Variants in DSG4 observed in about 807,000 individuals in gnomAD.
DSG4 encodes desmoglein-4.
Under a neutral mutation model 93.1 loss-of-function variants are expected in DSG4, and 87 were observed. The observed-to-expected ratio is 0.93, with a 90% CI of 0.79 to 1.12. The LOEUF is 1.12. DSG4 is among the 50% of genes most tolerant of loss of function. The probability of loss-of-function intolerance (pLI) is 0.00; values close to 1 mark genes in which losing one functional copy is unlikely to be tolerated. For synonymous variants in DSG4, 432 were observed against 452.9 expected (o/e 0.95, Z 0.59); for missense variants, 1,373 against 1,285.7 (o/e 1.07, Z -1.04).
chr18:31,379,027 CAA>C (rs1186706101), intron 1 of DSG4, among the ~76,000 whole-genome samples: 2 of 152,144 alleles, frequency 1.3e-5, no homozygotes, highest in Non-Finnish European at 2.9e-5. Flanking sequence ...GCACTGTAAA[CAA>C]AGTTCTGACT....
intron 12 of DSG4, among the ~76,000 whole-genome samples, chr18:31,407,330 G>A (rs563621565): frequency 3.5e-4 from 53 of 152,282 alleles, no homozygotes; most frequent in African/African-American, 1.2e-3. Flanking sequence ...GTGACCCTGC[G>A]GTAGGAAGCA....
At chr18:31,377,495 C>T (rs2072089369) in intron 1 of DSG4, among the ~76,000 whole-genome samples, 1 of 152,154 alleles carries the variant, frequency 6.6e-6, no homozygotes, top group South Asian at 2.1e-4. Context: ...TGAAGCCCAG[C>T]CATCAAGACA....
intron 5 of DSG4, among the ~76,000 whole-genome samples, chr18:31,389,735 C>T (rs2072227959): frequency 6.6e-6 from 1 of 152,034 alleles, no homozygotes; most frequent in Non-Finnish European, 1.5e-5. Flanking sequence ...TCTATGTCTG[C>T]CCATATACCT....
At chr18:31,394,459 C>A (rs1287667129) in intron 8 of DSG4, among the ~76,000 whole-genome samples, 1 of 152,082 alleles carries the variant, frequency 6.6e-6, no homozygotes, top group Non-Finnish European at 1.5e-5. Context: ...TGTCTGTAAT[C>A]CCAACTACTC....
rs148437957 is a variant in DSG4, at chr18:31,407,550, G to C, written c.1933+1177G>C. 2.4e-3 allele frequency among the ~76,000 whole-genome samples: 372 copies of C among 152,296 alleles called. 2 individuals are homozygous for C. Among genetic ancestry groups the C allele is most frequent in the African/African-American group, 8.5e-3 (353 of 41,554 alleles). On this transcript the variant is annotated intron_variant, in intron 12 of 15. Coordinates refer to ENST00000308128, the MANE Select transcript of DSG4 (RefSeq NM_177986.5). ...CCTTGCAATATTTAGGTTTCATGGG[G>C]ATCAAAAGCTGGGTTCTAAAATTAA...
intron 8 of DSG4, among the ~76,000 whole-genome samples, chr18:31,398,717 A>G (rs1187167427): frequency 6.6e-6 from 1 of 152,264 alleles, no homozygotes; most frequent in East Asian, 1.9e-4. Flanking sequence ...ATGCCCCATA[A>G]AGGAGTCTTC....
intron 11 of DSG4, 57 bp from the exon 12 acceptor site, chr18:31,406,020 C>T: frequency 6.2e-7 from 1 of 1,605,006 alleles, no homozygotes. Context: ...AGTTAACCAC[C>T]CCCCTAGCCC....
chr18:31,399,345 C>G lies in DSG4; in HGVS notation c.1079C>G (p.Ser360Cys), dbSNP rs998283060. The G allele has an allele frequency of 1.9e-6, 3 of 1,613,934 alleles. No homozygotes were observed. The highest frequency in any genetic ancestry group is 2.5e-6 in the Non-Finnish European group (3 of 1,179,966). Residue 360 changes from serine (S) to cysteine (C), a missense_variant, in exon 9 of 16, where the codon TCC (serine) becomes TGC (cysteine). Transcript: ENST00000308128. ...GVKNQADFHY[S>C]VASQFQMHPT... The stretch of plus-strand genomic sequence containing the variant: ...AAAAACCAAGCTGATTTTCACTACT[C>G]CGTTGCTTCTCAATTCCAAATGCAC...
In DSG4 at chr18:31,406,252, C is replaced by T; in HGVS notation, c.1812C>T (p.Tyr604=). 6.2e-7 allele frequency: 1 copy of T among 1,614,206 alleles called. No individual in the cohort carries two copies. Among genetic ancestry groups the T allele is most frequent in the Non-Finnish European group, 8.5e-7 (1 of 1,180,040 alleles). ...MCLDSGAAGI[Y]TEDITGDTYG... ...TGGACTCTGGTGCCGCGGGCATCTACACAGAGGACATAACTGGTGACACGT... is the reference window on the plus strand; with the variant it reads ...TGGACTCTGGTGCCGCGGGCATCTATACAGAGGACATAACTGGTGACACGT... The change falls in exon 12 of 16, where the codon TAC becomes TAT. Residue 604 remains tyrosine (Y), a synonymous_variant. Coordinates refer to ENST00000308128, the MANE Select transcript of DSG4 (RefSeq NM_177986.5).
intron 8 of DSG4, among the ~76,000 whole-genome samples, chr18:31,393,734 C>T (rs560522666): frequency 1.3e-5 from 2 of 152,190 alleles, no homozygotes; most frequent in South Asian, 4.2e-4. Context: ...TATTAGGAAG[C>T]CATTTAGCCT....
Position 31,385,114 on chromosome 18 carries a change from G to A in DSG4, c.49-22G>A, listed in dbSNP as rs376140534. 3.1e-6 allele frequency: 5 copies of A among 1,596,508 alleles called. No homozygotes were observed. The Admixed American group carries it at 5.0e-5, about 16-fold the overall frequency. On this transcript the variant is annotated intron_variant, in intron 1 of 15. Transcript: ENST00000308128. ...CTAAATTATGCAAATTTATGCTAATGTGGTATCTTCTATCAAAACAGGTGG... is the reference window on the plus strand; with the variant it reads ...CTAAATTATGCAAATTTATGCTAATATGGTATCTTCTATCAAAACAGGTGG...
intron 1 of DSG4, among the ~76,000 whole-genome samples, chr18:31,377,624 G>C (rs1252325334): frequency 6.6e-6 from 1 of 151,992 alleles, no homozygotes; most frequent in East Asian, 1.9e-4. Flanking sequence ...CTAACCTTTG[G>C]GTGCCCAAGG....
intron 3 of DSG4, among the ~76,000 whole-genome samples, chr18:31,387,432 T>C (rs186992529): frequency 2.8e-4 from 42 of 152,276 alleles, no homozygotes; most frequent in Admixed American, 1.7e-3. Flanking sequence ...ATTAAAAACA[T>C]AGTAAGCATC....
Position 31,409,552 on chromosome 18 carries a change from G to A in DSG4, c.2034G>A (p.Met678Ile). The A allele has an allele frequency of 6.2e-7, 1 of 1,614,212 alleles. No homozygotes were observed. Among genetic ancestry groups the A allele is most frequent in the Non-Finnish European group, 8.5e-7 (1 of 1,180,042 alleles). The part of the protein sequence containing the change: ...APVPEGGEGV[M>I]QSWRIEGAHP... ...TGCCTGAGGGCGGAGAAGGAGTGATGCAGTCTTGGAGAATTGAAGGGGCCC... is the reference window on the plus strand; with the variant it reads ...TGCCTGAGGGCGGAGAAGGAGTGATACAGTCTTGGAGAATTGAAGGGGCCC... Residue 678 changes from methionine to isoleucine, a missense_variant, in exon 13 of 16, where the codon ATG (methionine) becomes ATA (isoleucine). Physicochemically the swap from Met to Ile is conservative, Grantham distance 10 (BLOSUM62 1). Transcript: ENST00000308128.
At chr18:31,388,229 C>T in intron 3 of DSG4, 138 bp from the exon 4 acceptor site, 1 of 923,202 alleles carries the variant, frequency 1.1e-6, no homozygotes, top group Non-Finnish European at 1.7e-6. Flanking sequence ...TTTCCAGGGT[C>T]ACACAGGACT....
intron 8 of DSG4, among the ~76,000 whole-genome samples, chr18:31,396,193 G>A (rs981015365): frequency 6.6e-6 from 1 of 151,154 alleles, no homozygotes; most frequent in African/African-American, 2.4e-5. Context: ...CTACCCAATT[G>A]GAATTCTAAC....
In DSG4 at chr18:31,413,642, C is replaced by CAAGGATGATTA; in HGVS notation, c.*48_*49insAGGATGATTAA. ...ATGTGGAGACCTTGCACCTTGTAAT[C>CAAGGATGATTA]ATCAATACATCCACCAAAAATATAT... is the stretch of plus-strand genomic sequence containing the variant. On this transcript the variant is annotated 3_prime_UTR_variant, in exon 16 of 16. Coordinates refer to ENST00000308128, the MANE Select transcript of DSG4 (RefSeq NM_177986.5). 1 of 1,592,906 alleles carries CAAGGATGATTA rather than the reference C, an allele frequency of 6.3e-7. No homozygotes were observed. Among genetic ancestry groups the CAAGGATGATTA allele is most frequent in the Non-Finnish European group, 8.6e-7 (1 of 1,169,018 alleles).
chr18:31,388,925 G>T lies in DSG4; in HGVS notation c.424G>T (p.Glu142Ter). The T allele has an allele frequency of 6.2e-7, 1 of 1,613,620 alleles. No homozygotes were observed. The highest frequency in any genetic ancestry group is 1.1e-5 in the South Asian group (1 of 91,058). ...GGGTGAAGATTTAGAAAGGCCTCTT[G>T]AGCTTAGAGTCAAAGTTATGGACAT... Reference protein sequence around the residue: ...SRGEDLERPLELRVKVMDIND... With the variant: ...SRGEDLERPL Residue 142 changes from glutamate to a stop codon, truncating the protein, a stop_gained, in exon 5 of 16, where the codon GAG becomes TAG. Transcript: ENST00000308128. LOFTEE classifies it high-confidence loss of function.
chr18:31,377,916 T>C (rs2072093640), intron 1 of DSG4, among the ~76,000 whole-genome samples: 1 of 152,220 alleles, frequency 6.6e-6, no homozygotes, highest in African/African-American at 2.4e-5. Context: ...CTTAGGCAAG[T>C]GGCAATTATA....
Sources: allele counts gnomAD v4.1 joint callset (sites outside exome capture counted in the v4.1 genomes callset), GRCh38; gene constraint gnomAD v4.1.1; transcripts MANE v1.5; gene names NCBI Gene and HGNC (gene_info 2026-07-23, HGNC 2026-07-21).